Variants in CFAP299 observed in about 807,000 individuals in gnomAD.
CFAP299 encodes the protein cilia- and flagella-associated protein 299.
CFAP299 carries 21 observed loss-of-function variants against 27.0 expected under a neutral mutation model. The observed-to-expected ratio is 0.78, with a 90% CI of 0.55 to 1.12. The LOEUF (loss-of-function observed/expected upper bound fraction) is 1.12. Ranked by LOEUF, CFAP299 falls within the 50% of genes most tolerant of loss-of-function variation. CFAP299 has a pLI of 0.00. For missense variants in CFAP299, 310 were observed against 276.6 expected (o/e 1.12, Z -0.86); for synonymous variants, 104 against 98.1 (o/e 1.06, Z -0.36).
At chr4:80,459,606 G>T (rs554464307) in intron 2 of CFAP299, among the ~76,000 whole-genome samples, 140 of 152,218 alleles carry the variant, frequency 9.2e-4, no homozygotes, top group African/African-American at 3.1e-3. Flanking sequence ...GACGAGGCAA[G>T]AATTCAGGTT....
At chr4:80,767,187 A>G (rs1037707650) in intron 3 of CFAP299, among the ~76,000 whole-genome samples, 3 of 152,128 alleles carry the variant, frequency 2.0e-5, no homozygotes, top group Non-Finnish European at 1.5e-5. Context: ...GTATTCCTAT[A>G]TATATAATAA....
chr4:80,737,236 C>T lies in CFAP299; in HGVS notation c.334-132757C>T, dbSNP rs577163787. Among the ~76,000 whole-genome samples the T allele has an allele frequency of 7.3e-4, 111 of 151,380 alleles. 1 individual carries two copies. Among genetic ancestry groups the T allele is most frequent in the African/African-American group, 2.5e-3 (101 of 41,210 alleles). On this transcript the variant is annotated intron_variant, in intron 3 of 5. Transcript: ENST00000358105. ...CTAGATGACGAGTTAGTGGGTGCAG[C>T]GCACCAGCATGTCACATGTATACAT... is the stretch of plus-strand genomic sequence containing the variant.
chr4:80,739,939 T>A, intron 3 of CFAP299, among the ~76,000 whole-genome samples: 1 of 152,300 alleles, frequency 6.6e-6, no homozygotes, highest in Middle Eastern at 3.4e-3. Context: ...TTCAATTCTA[T>A]TAAAATACTG....
At chr4:80,563,453 G>A (rs1735135794) in intron 2 of CFAP299, among the ~76,000 whole-genome samples, 1 of 152,050 alleles carries the variant, frequency 6.6e-6, no homozygotes, top group South Asian at 2.1e-4. Context: ...TGACCAGTTG[G>A]TCAATGAAGA....
intron 3 of CFAP299, among the ~76,000 whole-genome samples, chr4:80,854,522 C>T (rs1184984028): frequency 6.6e-6 from 1 of 151,646 alleles, no homozygotes; most frequent in Admixed American, 6.6e-5. Flanking sequence ...AGACTGGCCT[C>T]GGACAGAAGC....
intron 2 of CFAP299, among the ~76,000 whole-genome samples, chr4:80,563,685 G>A (rs1473263412): frequency 6.6e-6 from 1 of 150,970 alleles, no homozygotes; most frequent in Non-Finnish European, 1.5e-5. Context: ...AGAAGGAAAG[G>A]AATAATAAAG....
At chr4:80,913,759 T>C (rs1049924743) in intron 4 of CFAP299, among the ~76,000 whole-genome samples, 1 of 152,136 alleles carries the variant, frequency 6.6e-6, no homozygotes, top group African/African-American at 2.4e-5. Context: ...TCATGAGCTT[T>C]GGCTAATGTG....
intron 2 of CFAP299, among the ~76,000 whole-genome samples, chr4:80,434,398 T>G (rs1472820193): frequency 6.6e-6 from 1 of 152,196 alleles, no homozygotes; most frequent in East Asian, 1.9e-4. Context: ...TTGTGCAGCT[T>G]CCAGACATAT....
intron 2 of CFAP299, among the ~76,000 whole-genome samples, chr4:80,527,234 C>A (rs889628244): frequency 6.6e-6 from 1 of 151,836 alleles, no homozygotes; most frequent in Admixed American, 6.6e-5. Context: ...GGGGACTTAC[C>A]GGCTAGTATT....
intron 2 of CFAP299, among the ~76,000 whole-genome samples, chr4:80,470,139 A>G (rs1729922128): frequency 6.6e-6 from 1 of 152,162 alleles, no homozygotes; most frequent in Non-Finnish European, 1.5e-5. Context: ...AGCACTAGAC[A>G]GTATTCAGGA....
At chr4:80,753,417 A>T (rs907028601) in intron 3 of CFAP299, among the ~76,000 whole-genome samples, 61 of 152,088 alleles carry the variant, frequency 4.0e-4, no homozygotes, top group African/African-American at 1.3e-3. Context: ...GTTGTCATCA[A>T]GACTGTCTCT....
chr4:80,568,654 G>A (rs1011658226), intron 2 of CFAP299, among the ~76,000 whole-genome samples: 10 of 152,102 alleles, frequency 6.6e-5, no homozygotes, highest in African/African-American at 1.7e-4. Context: ...TGCAGACTAC[G>A]TTGAAATATA....
intron 2 of CFAP299, among the ~76,000 whole-genome samples, chr4:80,552,612 A>C (rs1007318041): frequency 6.6e-6 from 1 of 152,218 alleles, no homozygotes; most frequent in Admixed American, 6.5e-5. Context: ...AAAAAGAAAA[A>C]TGTTTTGCTA....
In CFAP299 at chr4:80,631,869, C is replaced by G. The variant is rs201978331; in HGVS notation, c.333+48686C>G. Reference sequence around the variant, plus strand: ...AGTCTGAATATTTGTGCCCCACCCCCCCCCAACCAAATTCATATGTTAACA... The same window carrying G: ...AGTCTGAATATTTGTGCCCCACCCCGCCCCAACCAAATTCATATGTTAACA... On this transcript the variant is annotated intron_variant, in intron 3 of 5. Coordinates refer to ENST00000358105, the MANE Select transcript of CFAP299 (RefSeq NM_152770.3). Among the ~76,000 whole-genome samples the G allele has an allele frequency of 3.5e-5, 4 of 113,184 alleles. 1 individual carries two copies. Among genetic ancestry groups the G allele is most frequent in the Non-Finnish European group, 8.0e-5 (4 of 49,818 alleles). 74.3% of individuals were successfully genotyped at this position (113,184 alleles called of 152,430 possible). A position where few individuals can be genotyped will look rare whatever the true frequency, so the allele number is the denominator to read the frequency against.
At chr4:80,488,216 C>T (rs193013798) in intron 2 of CFAP299, among the ~76,000 whole-genome samples, 1 of 152,126 alleles carries the variant, frequency 6.6e-6, no homozygotes, top group African/African-American at 2.4e-5. Flanking sequence ...ACACTACAGC[C>T]CCCCACTGCC....
At chr4:80,781,250 A>T (rs1726859310) in intron 3 of CFAP299, among the ~76,000 whole-genome samples, 1 of 152,006 alleles carries the variant, frequency 6.6e-6, no homozygotes, top group Non-Finnish European at 1.5e-5. Flanking sequence ...TGTTTTATTA[A>T]TATTGTTGAT....
chr4:80,492,425 A>G (rs1236165967), intron 2 of CFAP299, among the ~76,000 whole-genome samples: 1 of 152,216 alleles, frequency 6.6e-6, no homozygotes, highest in Non-Finnish European at 1.5e-5. Flanking sequence ...GTGAGAGTAA[A>G]TAAACATATG....
chr4:80,678,518 C>CT (rs1477506392), intron 3 of CFAP299, among the ~76,000 whole-genome samples: 1 of 151,978 alleles, frequency 6.6e-6, no homozygotes, highest in Non-Finnish European at 1.5e-5. Context: ...ATTATTAACT[C>CT]TATTTTGTCT....
intron 4 of CFAP299, chr4:80,871,984 C>T (rs1322487782): frequency 1.3e-5 from 2 of 148,382 alleles, no homozygotes; most frequent in African/African-American, 5.0e-5. Context: ...TACAACAGTC[C>T]CCCTCATTCT....
Sources: allele counts gnomAD v4.1 joint callset (sites outside exome capture counted in the v4.1 genomes callset), GRCh38; gene constraint gnomAD v4.1.1; transcripts MANE v1.5; gene names NCBI Gene and HGNC (gene_info 2026-07-23, HGNC 2026-07-21).